The following DCBLD1 variants were observed in gnomAD, a reference collection of about 807,000 sequenced individuals.
The protein encoded by DCBLD1 is discoidin, CUB and LCCL domain containing 1, also known as discoidin, CUB and LCCL domain-containing protein 1.
DCBLD1 carries 57 observed loss-of-function variants against 71.5 expected under a neutral mutation model. That is an observed-to-expected ratio of 0.80 (90% confidence interval 0.64 to 0.99). DCBLD1 has a LOEUF of 0.99. Among genes scored for constraint, DCBLD1 ranks in the 50% least tolerant of loss-of-function variants. DCBLD1 has a pLI of 0.00. For synonymous variants in DCBLD1, 380 were observed against 363.8 expected (o/e 1.04, Z -0.51); for missense variants, 891 against 923.5 (o/e 0.96, Z 0.46).
chr6:117,509,242 G>A (rs1178192334), intron 2 of DCBLD1, among the ~76,000 whole-genome samples: 2 of 152,114 alleles, frequency 1.3e-5, no homozygotes, highest in African/African-American at 4.8e-5. Context: ...GACTAGGTTG[G>A]ACAACATGGC....
chr6:117,540,435 C>T, intron 9 of DCBLD1: 1 of 476,978 alleles, frequency 2.1e-6, no homozygotes. Context: ...GCAATTTTAG[C>T]TTCTTTATCC....
At chr6:117,538,509 C>T (rs1233779561) in intron 7 of DCBLD1, 111 bp from the exon 8 acceptor site, 6 of 979,952 alleles carry the variant, frequency 6.1e-6, no homozygotes, top group Non-Finnish European at 1.5e-6. Flanking sequence ...TATTCCATAT[C>T]AGAATAAAAG....
chr6:117,556,665 G>A (rs991214780), intron 14 of DCBLD1, among the ~76,000 whole-genome samples: 13 of 152,284 alleles, frequency 8.5e-5, no homozygotes, highest in African/African-American at 2.6e-4. Flanking sequence ...TTGCTATTGT[G>A]AATAGTGCTG....
intron 14 of DCBLD1, among the ~76,000 whole-genome samples, chr6:117,565,920 T>C (rs1779687015): frequency 6.6e-6 from 1 of 152,176 alleles, no homozygotes; most frequent in African/African-American, 2.4e-5. Flanking sequence ...CTTTGTTCAG[T>C]GTGCAGAGTA....
At chr6:117,519,717 G>A (rs923423147) in intron 2 of DCBLD1, 99 bp from the exon 3 acceptor site, 13 of 1,435,956 alleles carry the variant, frequency 9.1e-6, no homozygotes, top group Middle Eastern at 1.9e-4. Flanking sequence ...CATATGTATT[G>A]TCTAGTAAAT....
chr6:117,483,840 A>G (rs1261261537), intron 1 of DCBLD1, among the ~76,000 whole-genome samples: 1 of 152,044 alleles, frequency 6.6e-6, no homozygotes, highest in Non-Finnish European at 1.5e-5. Flanking sequence ...AGCTCCCCCA[A>G]CCACCATGCT....
Position 117,503,748 on chromosome 6 carries a change from C to A in DCBLD1, c.113-19C>A, listed in dbSNP as rs763916575. 5 of 1,612,948 alleles carry A rather than the reference C, an allele frequency of 3.1e-6. No individual in the cohort carries two copies. In the South Asian group the frequency reaches 4.4e-5, roughly 14 times the overall value. ...ATGACCCCTTCTTCTTTTATTCCCC[C>A]CTTCTTTTTCTTTACCAGGTGATGG... On this transcript the variant is annotated intron_variant, in intron 1 of 14. Transcript: ENST00000338728.
intron 2 of DCBLD1, among the ~76,000 whole-genome samples, chr6:117,505,219 T>C (rs1777798993): frequency 6.6e-6 from 1 of 152,204 alleles, no homozygotes; most frequent in Non-Finnish European, 1.5e-5. Context: ...TTGACTCAAA[T>C]GGGCAGGATG....
intron 4 of DCBLD1, among the ~76,000 whole-genome samples, chr6:117,522,458 A>G (rs567237044): frequency 6.6e-6 from 1 of 150,744 alleles, no homozygotes; most frequent in Non-Finnish European, 1.5e-5. Flanking sequence ...TTCTCTTTTT[A>G]TGAAAGAGTG....
chr6:117,554,860 T>G (rs1349237092), intron 14 of DCBLD1, among the ~76,000 whole-genome samples: 1 of 149,806 alleles, frequency 6.7e-6, no homozygotes, highest in Non-Finnish European at 1.5e-5. Context: ...GTCACTGCAC[T>G]CCAGCCTGGC....
chr6:117,521,500 T>C (rs1778383455), intron 3 of DCBLD1, 25 bp from the exon 4 acceptor site: 1 of 1,549,374 alleles, frequency 6.5e-7, no homozygotes, highest in African/African-American at 1.4e-5. Context: ...ATTCTATTAA[T>C]TGCAATTATC....
In DCBLD1 at chr6:117,539,311, G is replaced by A; in HGVS notation, c.1033G>A (p.Val345Met). The change falls in exon 9 of 15, where the codon GTG becomes ATG. Residue 345 changes from valine to methionine, a missense_variant. Coordinates refer to ENST00000338728, the MANE Select transcript of DCBLD1 (RefSeq NM_001366458.2). Reference sequence around the variant, plus strand: ...CTTCAACTTTTATGTTAAGAGTTTTGTGATGAACTTCAAAAACAATAATTC... The same window carrying A: ...CTTCAACTTTTATGTTAAGAGTTTTATGATGAACTTCAAAAACAATAATTC... ...SNFNFYVKSF[V>M]MNFKNNNSKW... is the part of the protein sequence containing the mutation. 6.2e-7 allele frequency: 1 copy of A among 1,608,402 alleles called. No homozygotes were observed. The highest frequency in any genetic ancestry group is 8.5e-7 in the Non-Finnish European group (1 of 1,178,272).
chr6:117,561,944 GAA>G (rs1311063321), intron 14 of DCBLD1: 15 of 208,322 alleles, frequency 7.2e-5, no homozygotes, highest in Non-Finnish European at 4.9e-5. Context: ...CTGAATACCA[GAA>G]ATGAAGATAC....
At chr6:117,517,010 A>G (rs111675849) in intron 2 of DCBLD1, among the ~76,000 whole-genome samples, 3,945 of 152,248 alleles carry the variant, frequency 0.026, 76 homozygotes, top group East Asian at 0.051. Flanking sequence ...TCATATTTCA[A>G]AATCAATCAT....
downstream of DCBLD1, among the ~76,000 whole-genome samples, chr6:117,554,009 T>C (rs1179328418): frequency 1.3e-5 from 2 of 152,222 alleles, no homozygotes; most frequent in Admixed American, 6.5e-5. Context: ...CAAGGATTAA[T>C]GTACATAAAA....
chr6:117,567,189 T>G (rs1407242976), intron 14 of DCBLD1, among the ~76,000 whole-genome samples: 1 of 152,082 alleles, frequency 6.6e-6, no homozygotes, highest in Non-Finnish European at 1.5e-5. Flanking sequence ...TCTAAAGAGG[T>G]AGTGAGGCCA....
Position 117,544,570 on chromosome 6 carries a change from G to C in DCBLD1, c.1488G>C (p.Gln496His). The C allele has an allele frequency of 6.2e-7, 1 of 1,614,058 alleles. No individual in the cohort carries two copies. Among genetic ancestry groups the C allele is most frequent in the Non-Finnish European group, 8.5e-7 (1 of 1,180,006 alleles). The change falls in exon 13 of 15, where the codon CAG (glutamine) becomes CAC (histidine). Residue 496 changes from glutamine to histidine, a missense_variant. Transcript: ENST00000338728. The stretch of plus-strand genomic sequence containing the variant: ...GTCCGTATGGATCAGCAGAGGCTCA[G>C]AAAACAGGTTGGTTGAAAACTCTAT... ...KGSPYGSAEA[Q>H]KTDCWKQIKY...
intron 5 of DCBLD1, among the ~76,000 whole-genome samples, chr6:117,529,924 G>A (rs1308111060): frequency 1.3e-5 from 2 of 152,190 alleles, no homozygotes; most frequent in Admixed American, 6.5e-5. Context: ...TGTGAGAAAC[G>A]AGAATATTTG....
At chr6:117,488,695 A>G (rs766192786) in intron 1 of DCBLD1, among the ~76,000 whole-genome samples, 3 of 152,106 alleles carry the variant, frequency 2.0e-5, no homozygotes, top group Non-Finnish European at 4.4e-5. Flanking sequence ...AATCTCTGAG[A>G]CCCTTTTACA....
Sources: allele counts gnomAD v4.1 joint callset (sites outside exome capture counted in the v4.1 genomes callset), GRCh38; gene constraint gnomAD v4.1.1; transcripts MANE v1.5; gene names NCBI Gene and HGNC (gene_info 2026-07-23, HGNC 2026-07-21).